The following NEMP2 variants were observed in gnomAD, a reference collection of about 807,000 sequenced individuals.
NEMP2 encodes UPF0571 transmembrane protein.
Under a neutral mutation model 54.2 loss-of-function variants are expected in NEMP2, and 53 were observed. The ratio of observed to expected loss-of-function variants is 0.98; its 90% CI spans 0.78 to 1.23. The LOEUF is 1.23. Ranked by LOEUF, NEMP2 falls within the 50% of genes most tolerant of loss-of-function variation. The pLI, the probability that NEMP2 is intolerant of heterozygous loss-of-function variation, is 0.00. For missense variants in NEMP2, 455 were observed against 511.3 expected, an observed-to-expected ratio of 0.89 and a Z score of 1.06; for synonymous variants, 197 against 190.3, an observed-to-expected ratio of 1.04 and a Z score of -0.29.
chr2:190,511,886 A>T (rs1690379648), intron 7 of NEMP2, among the ~76,000 whole-genome samples: 1 of 151,422 alleles, frequency 6.6e-6, no homozygotes, highest in Non-Finnish European at 1.5e-5. Context: ...ATGAGTTTTT[A>T]AAAATATTTT....
At position 190,519,546 on chromosome 2, in the gene NEMP2, A is replaced by T. The variant is rs1690682784; in HGVS notation, c.214-363T>A. ...AAAACTTCTTAAAAGCTTCTTAAAA[A>T]CATGAGCAGAGGAGTAAAGATAACT... is the stretch of plus-strand genomic sequence containing the variant. On this transcript the variant is annotated intron_variant, in intron 2 of 8. Coordinates refer to ENST00000409150, the MANE Select transcript of NEMP2 (RefSeq NM_001142645.2). The surrounding 1 kb of genome is among the most constrained non-coding windows in gnomAD (Gnocchi z 5.4). 6.6e-6 allele frequency among the ~76,000 whole-genome samples: 1 copy of T among 152,236 alleles called. No homozygotes were observed. The highest frequency in any genetic ancestry group is 1.5e-5 in the Non-Finnish European group (1 of 68,040).
the NEMP2 span, among the ~76,000 whole-genome samples, chr2:190,570,611 TGGA>T: frequency 1.4e-3 from 219 of 152,172 alleles, no homozygotes; most frequent in Non-Finnish European, 2.7e-3. This position sits in a 1 kb window ranked among gnomAD's most constrained non-coding sequence, Gnocchi z 5.4. Flanking sequence ...AGCAACAGGA[TGGA>T]GGAGGAGAAG....
chr2:190,636,673 T>G, the NEMP2 span, among the ~76,000 whole-genome samples: 1 of 152,238 alleles, frequency 6.6e-6, no homozygotes, highest in African/African-American at 2.4e-5. Flanking sequence ...GCTTGTTCCA[T>G]GTCTCAAATT....
chr2:190,583,698 T>C, the NEMP2 span, among the ~76,000 whole-genome samples: 48 of 152,328 alleles, frequency 3.2e-4, no homozygotes, highest in Non-Finnish European at 5.4e-4. Flanking sequence ...GCCTGGACTG[T>C]CAATGTCTGA....
chr2:190,615,573 A>G, the NEMP2 span, among the ~76,000 whole-genome samples: 1 of 152,158 alleles, frequency 6.6e-6, no homozygotes, highest in Non-Finnish European at 1.5e-5. This position sits in a 1 kb window ranked among gnomAD's most constrained non-coding sequence, Gnocchi z 4.7. Flanking sequence ...TTCACTACAC[A>G]GGCATGATTG....
the NEMP2 span, among the ~76,000 whole-genome samples, chr2:190,612,371 G>T: frequency 6.6e-6 from 1 of 152,098 alleles, no homozygotes; most frequent in African/African-American, 2.4e-5. Context: ...GGCCAGGCTG[G>T]TCTCAAACTC....
the NEMP2 span, among the ~76,000 whole-genome samples, chr2:190,620,823 C>A: frequency 2.0e-5 from 3 of 152,068 alleles, no homozygotes; most frequent in Non-Finnish European, 2.9e-5. This position sits in a 1 kb window ranked among gnomAD's most constrained non-coding sequence, Gnocchi z 4.9. Context: ...AAAAATGAAA[C>A]CATCTTTATT....
chr2:190,423,553 G>T, the NEMP2 span, among the ~76,000 whole-genome samples: 1 of 152,220 alleles, frequency 6.6e-6, no homozygotes, highest in South Asian at 2.1e-4. The surrounding 1 kb of genome is among the most constrained non-coding windows in gnomAD (Gnocchi z 4.3). Context: ...AGGGCTTTTG[G>T]GTTGTCTCCA....
At position 190,505,289 on chromosome 2, in the gene NEMP2, T is replaced by C. The variant is rs1443847848; in HGVS notation, c.*3900A>G. ...CTGATTCTACCACTTTAGCTATATGTGTCCTTCAGCAACTTTCTCCTACCT... is the reference window on the plus strand; with the variant it reads ...CTGATTCTACCACTTTAGCTATATGCGTCCTTCAGCAACTTTCTCCTACCT... On this transcript the variant is annotated 3_prime_UTR_variant, in exon 9 of 9. Transcript: ENST00000409150. This position sits in a 1 kb window ranked among gnomAD's most constrained non-coding sequence, Gnocchi z 5.8. 1 of 152,238 alleles carries C rather than the reference T, an allele frequency of 6.6e-6. No homozygotes were observed. The highest frequency in any genetic ancestry group is 1.5e-5 in the Non-Finnish European group (1 of 68,036). The allele number at this position is 152,238 out of a possible 1,614,324, so 9.4% of individuals were successfully genotyped here.
the NEMP2 span, chr2:190,646,599 A>G: frequency 6.6e-6 from 1 of 152,212 alleles, no homozygotes; most frequent in Admixed American, 6.5e-5. Context: ...CAGGGCATTT[A>G]AGGCAAAGTA....
At chr2:190,581,571 CAT>C in the NEMP2 span, among the ~76,000 whole-genome samples, 2 of 152,274 alleles carry the variant, frequency 1.3e-5, no homozygotes, top group African/African-American at 2.4e-5. Context: ...AGTGCGTGCA[CAT>C]GATTCTGACA....
the NEMP2 span, among the ~76,000 whole-genome samples, chr2:190,551,335 T>G: frequency 4.6e-5 from 7 of 151,900 alleles, no homozygotes; most frequent in Non-Finnish European, 7.4e-5. Context: ...TCAATTTCTC[T>G]CTAATGGTTT....
Position 190,508,889 on chromosome 2 carries a change from T to C in NEMP2, c.*300A>G. 2.8e-6 allele frequency: 1 copy of C among 357,582 alleles called. No homozygotes were observed. Among genetic ancestry groups the C allele is most frequent in the Non-Finnish European group, 5.2e-6 (1 of 193,296 alleles). 22.2% of individuals were successfully genotyped at this position (357,582 alleles called of 1,614,324 possible). On this transcript the variant is annotated 3_prime_UTR_variant, in exon 9 of 9. Coordinates refer to ENST00000409150, the MANE Select transcript of NEMP2 (RefSeq NM_001142645.2). The surrounding 1 kb of genome is among the most constrained non-coding windows in gnomAD (Gnocchi z 4.3). Reference sequence around the variant, plus strand: ...TGTCGACAAAGCACCTGTTCATGCTTACTAGCCCCTTAAGAACAACGCCAT... The same window carrying C: ...TGTCGACAAAGCACCTGTTCATGCTCACTAGCCCCTTAAGAACAACGCCAT...
chr2:190,615,692 G>T, the NEMP2 span, among the ~76,000 whole-genome samples: 1 of 152,186 alleles, frequency 6.6e-6, no homozygotes. The surrounding 1 kb of genome is among the most constrained non-coding windows in gnomAD (Gnocchi z 4.7). Flanking sequence ...TCACTAGGTT[G>T]GTTCCTGTGG....
the NEMP2 span, among the ~76,000 whole-genome samples, chr2:190,623,720 C>T: frequency 1.3e-5 from 2 of 151,946 alleles, no homozygotes; most frequent in African/African-American, 2.4e-5. Flanking sequence ...TAGAAGAAAA[C>T]ATTGGGGGAA....
At chr2:190,430,812 C>A in the NEMP2 span, among the ~76,000 whole-genome samples, 1 of 145,366 alleles carries the variant, frequency 6.9e-6, no homozygotes, top group South Asian at 2.4e-4. Context: ...CCCCCACCTC[C>A]CTCCCGGACG....
chr2:190,578,583 G>A, the NEMP2 span, among the ~76,000 whole-genome samples: 1 of 152,170 alleles, frequency 6.6e-6, no homozygotes, highest in Non-Finnish European at 1.5e-5. The surrounding 1 kb of genome is among the most constrained non-coding windows in gnomAD (Gnocchi z 4.4). Flanking sequence ...ATGGTGTTAA[G>A]ATGCTAGGAG....
At chr2:190,435,865 T>C in the NEMP2 span, 1 of 927,332 alleles carries the variant, frequency 1.1e-6, no homozygotes, top group Non-Finnish European at 1.6e-6. Flanking sequence ...GAGAATTCTC[T>C]CTTGCAATTA....
Position 190,529,689 on chromosome 2 carries a change from G to A in NEMP2, c.98-4311C>T, listed in dbSNP as rs1477328818. On this transcript the variant is annotated intron_variant, in intron 1 of 8. Transcript: ENST00000409150. This position sits in a 1 kb window ranked among gnomAD's most constrained non-coding sequence, Gnocchi z 4.7. ...CTTTTGTGTGTAGCTTGTGGTTCAAGAGGACTAGTGGGTTATTTAGGCATG... is the reference window on the plus strand; with the variant it reads ...CTTTTGTGTGTAGCTTGTGGTTCAAAAGGACTAGTGGGTTATTTAGGCATG... Among the ~76,000 whole-genome samples the A allele has an allele frequency of 6.6e-6, 1 of 152,204 alleles. No homozygotes were observed. The highest frequency in any genetic ancestry group is 1.5e-5 in the Non-Finnish European group (1 of 68,040).
Sources: gnomAD v4.1 joint callset for allele counts (sites outside exome capture counted in the v4.1 genomes callset) on GRCh38, gnomAD v4.1.1 for gene constraint, Gnocchi (gnomAD v3.1) non-coding constraint, MANE v1.5 for transcripts, NCBI Gene and HGNC (gene_info 2026-07-23, HGNC 2026-07-21) for gene names.